FRAS1: variants seen among roughly 807,000 people sequenced by gnomAD.
FRAS1 encodes the protein Fraser extracellular matrix complex subunit 1.
Under a neutral mutation model 435.2 loss-of-function variants are expected in FRAS1, and 290 were observed. The ratio of observed to expected loss-of-function variants is 0.67; its 90% CI spans 0.61 to 0.73. The LOEUF (loss-of-function observed/expected upper bound fraction) is 0.73, where lower values mean the gene tolerates loss of function less well. FRAS1 is among the 30% of genes least tolerant of loss of function. FRAS1 has a pLI of 0.00. For missense variants in FRAS1, 4,860 were observed against 5,001.5 expected, an observed-to-expected ratio of 0.97 and a Z score of 0.85; for synonymous variants, 1,800 against 1,851.0, an observed-to-expected ratio of 0.97 and a Z score of 0.71.
chr4:78,101,701 G>T (rs115844965), intron 2 of FRAS1, among the ~76,000 whole-genome samples: 227 of 152,178 alleles, frequency 1.5e-3, no homozygotes, highest in Non-Finnish European at 4.9e-4. Context: ...TTATATTTTA[G>T]AGTGCTTTTA....
chr4:78,142,404 C>T (rs1219951253), intron 2 of FRAS1, among the ~76,000 whole-genome samples: 1 of 151,804 alleles, frequency 6.6e-6, no homozygotes, highest in Non-Finnish European at 1.5e-5. Context: ...TCTCTGATAC[C>T]TTTTCATTTA....
intron 3 of FRAS1, among the ~76,000 whole-genome samples, chr4:78,244,309 TGA>T (rs1286862840): frequency 6.6e-6 from 1 of 152,186 alleles, no homozygotes; most frequent in East Asian, 1.9e-4. Context: ...TTCTACTGGT[TGA>T]ATTCTTGGTA....
Position 78,482,494 on chromosome 4 carries a change from C to G in FRAS1, c.8711C>G (p.Pro2904Arg), listed in dbSNP as rs1720041559. 6.2e-7 allele frequency: 1 copy of G among 1,613,716 alleles called. No individual in the cohort carries two copies. The highest frequency in any genetic ancestry group is 1.7e-5 in the Admixed American group (1 of 59,992). The change falls in exon 58 of 74, where the codon CCC becomes CGC. Residue 2904 changes from proline (P) to arginine (R), a missense_variant. By Grantham distance (103) the Pro-to-Arg change is moderately radical (BLOSUM62 -2). Transcript: ENST00000512123. ...SSAQGAELTKPFQAVIAINDT... is the reference protein window; with the variant it reads ...SSAQGAELTKRFQAVIAINDT... The stretch of plus-strand genomic sequence containing the variant: ...GCACAAGGAGCCGAACTGACCAAAC[C>G]CTTCCAGGCAGTCATTGCAATTAAT...
intron 18 of FRAS1, among the ~76,000 whole-genome samples, chr4:78,328,505 C>T (rs973097484): frequency 6.6e-6 from 1 of 152,144 alleles, no homozygotes; most frequent in African/African-American, 2.4e-5. Context: ...AAAGCATTGC[C>T]ACCTCACTTT....
intron 2 of FRAS1, among the ~76,000 whole-genome samples, chr4:78,186,605 A>G (rs1722281816): frequency 6.6e-6 from 1 of 152,194 alleles, no homozygotes; most frequent in South Asian, 2.1e-4. Context: ...CACCCAGACC[A>G]CAGCAGGAAT....
intron 15 of FRAS1, among the ~76,000 whole-genome samples, chr4:78,312,455 A>C (rs1729065698): frequency 6.6e-6 from 1 of 151,974 alleles, no homozygotes; most frequent in Admixed American, 6.6e-5. Flanking sequence ...TCTGATTGGG[A>C]AAATTCCCTT....
At chr4:78,206,084 A>G (rs12499762) in intron 2 of FRAS1, among the ~76,000 whole-genome samples, 1 of 152,150 alleles carries the variant, frequency 6.6e-6, no homozygotes, top group African/African-American at 2.4e-5. Flanking sequence ...ACATAGAACC[A>G]TGTATAATTC....
chr4:78,245,813 A>C (rs951729546), intron 4 of FRAS1, among the ~76,000 whole-genome samples: 2 of 152,110 alleles, frequency 1.3e-5, no homozygotes, highest in African/African-American at 4.8e-5. Context: ...TATAGTAGAA[A>C]TTTTCAACTT....
chr4:78,495,241 G>A (rs971624784), intron 59 of FRAS1, among the ~76,000 whole-genome samples: 3 of 151,804 alleles, frequency 2.0e-5, no homozygotes, highest in African/African-American at 7.3e-5. Context: ...GACATTTTAG[G>A]TATTAATAAC....
intron 25 of FRAS1, among the ~76,000 whole-genome samples, chr4:78,375,412 T>A (rs1731717464): frequency 6.6e-6 from 1 of 152,224 alleles, no homozygotes; most frequent in Admixed American, 6.5e-5. Context: ...GGTCAACAGC[T>A]GGGAAGGTTA....
At chr4:78,112,411 A>AT (rs1223720152) in intron 2 of FRAS1, among the ~76,000 whole-genome samples, 12 of 151,936 alleles carry the variant, frequency 7.9e-5, no homozygotes, top group Admixed American at 3.3e-4. Flanking sequence ...TTTTATTATT[A>AT]TTTTTTATCT....
At chr4:78,426,542 G>A (rs569268181) in intron 35 of FRAS1, among the ~76,000 whole-genome samples, 174 of 152,180 alleles carry the variant, frequency 1.1e-3, no homozygotes, top group Non-Finnish European at 2.1e-3. Context: ...AAGCCCAAGA[G>A]CTGACATTAA....
chr4:78,370,351 T>C (rs957935889), intron 23 of FRAS1, among the ~76,000 whole-genome samples: 1 of 152,232 alleles, frequency 6.6e-6, no homozygotes, highest in Non-Finnish European at 1.5e-5. Flanking sequence ...AGATTTCACA[T>C]ACAAAAATTG....
rs345514 is a variant in FRAS1 at position 78,317,495 on chromosome 4, T to C, written c.1947T>C (p.His649=). The C allele has an allele frequency of 0.76, 1,224,655 of 1,612,350 alleles. 467,627 individuals carry two copies. Among genetic ancestry groups the C allele is most frequent in the African/African-American group, 0.85 (63,554 of 74,996 alleles). ...GTGGAGAGGGTTTCTACTCTGACCA[T>C]GGAGTCTGCAAAGGTATCGTTGGTG... The part of the protein sequence containing the change: ...PRCGEGFYSD[H]GVCKACHSSC... Residue 649 remains histidine, a synonymous_variant, in exon 17 of 74, where the codon CAT becomes CAC. Coordinates refer to ENST00000512123, the MANE Select transcript of FRAS1 (RefSeq NM_025074.7).
At chr4:78,319,719 G>T in intron 18 of FRAS1, 1 of 219,742 alleles carries the variant, frequency 4.6e-6, no homozygotes, top group Non-Finnish European at 9.4e-6. Flanking sequence ...TCATAGCTTT[G>T]TGTGTTTATA....
chr4:78,513,037 G>A (rs193021286), intron 64 of FRAS1, among the ~76,000 whole-genome samples: 99 of 152,310 alleles, frequency 6.5e-4, no homozygotes, highest in Non-Finnish European at 1.2e-3. Flanking sequence ...AGGGGAACAG[G>A]CCCTCTCTAG....
intron 2 of FRAS1, among the ~76,000 whole-genome samples, chr4:78,091,532 A>T (rs1005730666): frequency 2.0e-5 from 3 of 151,900 alleles, no homozygotes; most frequent in African/African-American, 7.3e-5. Context: ...AGGAATTCTG[A>T]GCTTCTTCAC....
intron 31 of FRAS1, among the ~76,000 whole-genome samples, chr4:78,409,133 A>G (rs1733223656): frequency 1.3e-5 from 2 of 150,268 alleles, no homozygotes; most frequent in Admixed American, 1.3e-4. Flanking sequence ...AAAAAAAAAA[A>G]AAGACAAAAA....
chr4:78,204,326 C>T (rs974315957), intron 2 of FRAS1, among the ~76,000 whole-genome samples: 1 of 152,126 alleles, frequency 6.6e-6, no homozygotes, highest in Non-Finnish European at 1.5e-5. Flanking sequence ...TATGGACTAG[C>T]TAAACATCTG....
Sources: gnomAD v4.1 joint callset for allele counts (sites outside exome capture counted in the v4.1 genomes callset) on GRCh38, gnomAD v4.1.1 for gene constraint, MANE v1.5 for transcripts, NCBI Gene and HGNC (gene_info 2026-07-23, HGNC 2026-07-21) for gene names.